The following NPLOC4 variants were observed in gnomAD, a reference collection of about 807,000 sequenced individuals.
The protein encoded by NPLOC4 is nuclear protein localization protein 4 homolog.
Under a neutral mutation model 80.6 loss-of-function variants are expected in NPLOC4, and 18 were observed. That is an observed-to-expected ratio of 0.22 (90% CI 0.15 to 0.33). The LOEUF is 0.33. Ranked by LOEUF, NPLOC4 falls within the 10% of genes least tolerant of loss-of-function variation. The pLI, the probability that NPLOC4 is intolerant of heterozygous loss-of-function variation, is 1.00. For synonymous variants in NPLOC4, 313 were observed against 301.5 expected (o/e 1.04, Z -0.39); for missense variants, 540 against 786.1 (o/e 0.69, Z 3.74).
intron 12 of NPLOC4, among the ~76,000 whole-genome samples, chr17:81,585,664 G>A (rs999044509): frequency 6.9e-6 from 1 of 145,592 alleles, no homozygotes; most frequent in Non-Finnish European, 1.5e-5. Context: ...CCATTTCTGG[G>A]GGGGGGGGGA....
intron 2 of NPLOC4, among the ~76,000 whole-genome samples, chr17:81,624,993 G>A (rs925532016): frequency 1.1e-4 from 16 of 152,192 alleles, no homozygotes; most frequent in African/African-American, 3.9e-4. Flanking sequence ...AATCCCTGTT[G>A]CTCAACACCA....
At chr17:81,606,589 C>T in intron 7 of NPLOC4, 102 bp downstream of exon 7, 2 of 1,232,126 alleles carry the variant, frequency 1.6e-6, no homozygotes, top group Non-Finnish European at 1.1e-6. Context: ...ACTGAAAATC[C>T]ACCACGCATA....
At position 81,569,019 on chromosome 17, in the gene NPLOC4, T is replaced by G. The variant is rs376338396; in HGVS notation, c.1446A>C (p.Thr482=). 71 of 1,588,640 alleles carry G rather than the reference T, an allele frequency of 4.5e-5. No individual in the cohort carries two copies. Among genetic ancestry groups the G allele is most frequent in the Non-Finnish European group, 5.9e-5 (68 of 1,157,088 alleles). The change falls in exon 14 of 17, where the codon ACA becomes ACC. Residue 482 remains threonine (T), a synonymous_variant. Coordinates refer to ENST00000331134, the MANE Select transcript of NPLOC4 (RefSeq NM_017921.4). ...TTTCTAAAGACAAAGAGCTCACCTG[T>G]GTCTCACCCAATACATCCCGGTTTT... The part of the protein sequence containing the change: ...PIENRDVLGE[T]QDFHSLATYL...
In NPLOC4 at chr17:81,589,066, C is replaced by A; in HGVS notation, c.1159G>T (p.Val387Leu). The part of the protein sequence containing the change: ...DNQVHFEGYQ[V>L]SNQCMALVRD... ...ACCAGTGCCATACACTGATTGGACACCTGGTACCCTTCAAAGTGGACTTGG... is the reference window on the plus strand; with the variant it reads ...ACCAGTGCCATACACTGATTGGACAACTGGTACCCTTCAAAGTGGACTTGG... The change falls in exon 12 of 17, where the codon GTG (valine) becomes TTG (leucine). Residue 387 changes from valine to leucine, a missense_variant. Coordinates refer to ENST00000331134, the MANE Select transcript of NPLOC4 (RefSeq NM_017921.4). The A allele has an allele frequency of 6.2e-7, 1 of 1,613,688 alleles. No individual in the cohort carries two copies.
At position 81,576,817 on chromosome 17, in the gene NPLOC4, C is replaced by A. The variant is rs555784060; in HGVS notation, c.1282-4729G>T. On this transcript the variant is annotated intron_variant, in intron 12 of 16. Transcript: ENST00000331134. Reference sequence around the variant, plus strand: ...CCTGTGGTCAAAGAAGCACAGAGAGCGGGGTCCTGGGCCTGCCTGGTCCTT... The same window carrying A: ...CCTGTGGTCAAAGAAGCACAGAGAGAGGGGTCCTGGGCCTGCCTGGTCCTT... Among the ~76,000 whole-genome samples the A allele has an allele frequency of 2.6e-5, 4 of 152,260 alleles. No individual in the cohort carries two copies. In the South Asian group the frequency reaches 8.3e-4, roughly 32 times the overall value.
intron 3 of NPLOC4, among the ~76,000 whole-genome samples, chr17:81,615,458 TA>T (rs1315982210): frequency 6.6e-6 from 1 of 152,142 alleles, no homozygotes; most frequent in Non-Finnish European, 1.5e-5. Flanking sequence ...ACTACTAATA[TA>T]AAAAACTTGA....
intron 3 of NPLOC4, among the ~76,000 whole-genome samples, chr17:81,615,913 G>A (rs1487940804): frequency 6.6e-6 from 1 of 152,214 alleles, no homozygotes; most frequent in African/African-American, 2.4e-5. Flanking sequence ...CAGAACCAGG[G>A]ATGATGCCAT....
chr17:81,595,590 G>C (rs555025171), intron 11 of NPLOC4, among the ~76,000 whole-genome samples: 1 of 150,226 alleles, frequency 6.7e-6, no homozygotes, highest in Non-Finnish European at 1.5e-5. Flanking sequence ...TGTCACCCAG[G>C]CTGGAGTGCA....
intron 6 of NPLOC4, among the ~76,000 whole-genome samples, 199 bp downstream of exon 6, chr17:81,608,529 A>G (rs2035262797): frequency 6.6e-6 from 1 of 152,228 alleles, no homozygotes; most frequent in African/African-American, 2.4e-5. Flanking sequence ...TGGGCAACAT[A>G]GTGAGACCCC....
At chr17:81,579,470 C>A (rs1431929150) in intron 12 of NPLOC4, among the ~76,000 whole-genome samples, 4 of 152,130 alleles carry the variant, frequency 2.6e-5, no homozygotes, top group African/African-American at 2.4e-5. Flanking sequence ...CTGGACAACA[C>A]CCCCTTCACA....
In NPLOC4 at chr17:81,609,447, C is replaced by T. The variant is rs142281414; in HGVS notation, c.436-625G>A. Reference sequence around the variant, plus strand: ...TCAGCTTCCTGAGTAGCTGGGACTACAGGCGTGAACCACCACACCCAGCTA... The same window carrying T: ...TCAGCTTCCTGAGTAGCTGGGACTATAGGCGTGAACCACCACACCCAGCTA... On this transcript the variant is annotated intron_variant, in intron 5 of 16. Coordinates refer to ENST00000331134, the MANE Select transcript of NPLOC4 (RefSeq NM_017921.4). 9.0e-3 allele frequency among the ~76,000 whole-genome samples: 1,368 copies of T among 152,274 alleles called. 32 individuals are homozygous for T. The highest frequency in any genetic ancestry group is 0.032 in the African/African-American group (1,322 of 41,548).
At chr17:81,563,264 G>A (rs1326250893) in intron 16 of NPLOC4, 1 of 151,896 alleles carries the variant, frequency 6.6e-6, no homozygotes, top group African/African-American at 2.4e-5. Flanking sequence ...TAACAGAAAT[G>A]GGGTTTCACC....
intron 9 of NPLOC4, 66 bp from the exon 10 acceptor site, chr17:81,597,382 G>T: frequency 8.0e-7 from 1 of 1,256,004 alleles, no homozygotes; most frequent in South Asian, 1.2e-5. Context: ...TGGGCGCAGT[G>T]ACTCACGCCT....
chr17:81,611,220 T>C (rs1338885895), intron 4 of NPLOC4, among the ~76,000 whole-genome samples: 1 of 152,016 alleles, frequency 6.6e-6, no homozygotes, highest in Non-Finnish European at 1.5e-5. Context: ...CCAGGGAGGC[T>C]GAGGCAGGAG....
chr17:81,590,955 T>C (rs1249395006), intron 11 of NPLOC4, among the ~76,000 whole-genome samples: 3 of 152,068 alleles, frequency 2.0e-5, no homozygotes, highest in Non-Finnish European at 2.9e-5. Context: ...ACTCAAATGC[T>C]CAGGAGGCAG....
intron 1 of NPLOC4, among the ~76,000 whole-genome samples, chr17:81,630,690 G>A (rs1415008411): frequency 6.6e-6 from 1 of 151,828 alleles, no homozygotes; most frequent in East Asian, 1.9e-4. Flanking sequence ...AGACCAGTGG[G>A]CAACATGGGG....
At chr17:81,600,285 G>C (rs2035029036) in intron 9 of NPLOC4, 56 bp downstream of exon 9, 1 of 1,311,768 alleles carries the variant, frequency 7.6e-7, no homozygotes, top group Non-Finnish European at 1.1e-6. Context: ...CCCCTGGCCT[G>C]GATGCCCAAC....
intron 2 of NPLOC4, among the ~76,000 whole-genome samples, chr17:81,626,576 C>T (rs1444826543): frequency 2.0e-5 from 3 of 152,062 alleles, no homozygotes; most frequent in African/African-American, 4.8e-5. Flanking sequence ...CCGCGGCTCC[C>T]GCCTGGAATC....
chr17:81,619,170 C>T (rs1330970495), intron 3 of NPLOC4, among the ~76,000 whole-genome samples: 1 of 151,496 alleles, frequency 6.6e-6, no homozygotes. Context: ...GCCAAATCCC[C>T]CTCTGCGAGA....
Sources: gnomAD v4.1 joint callset for allele counts (sites outside exome capture counted in the v4.1 genomes callset) on GRCh38, gnomAD v4.1.1 for gene constraint, MANE v1.5 for transcripts, NCBI Gene and HGNC (gene_info 2026-07-23, HGNC 2026-07-21) for gene names.